MYH2: variants seen among roughly 807,000 people sequenced by gnomAD.
The protein encoded by MYH2 is myosin-2.
A neutral mutation model predicts 228.1 loss-of-function variants in MYH2; 139 were observed. The observed-to-expected ratio is 0.61, with a 90% CI of 0.53 to 0.70. The LOEUF is 0.70. MYH2 is among the 30% of genes least tolerant of loss of function. The pLI, the probability that MYH2 is intolerant of heterozygous loss-of-function variation, is 0.00. For synonymous variants in MYH2, 796 were observed against 871.1 expected (o/e 0.91, Z 1.52); for missense variants, 1,809 against 2,357.5 (o/e 0.77, Z 4.82).
At chr17:10,543,605 A>G (rs928575828) in intron 8 of MYH2, 106 bp downstream of exon 8, 6 of 1,491,700 alleles carry the variant, frequency 4.0e-6, no homozygotes, top group African/African-American at 1.4e-5. Flanking sequence ...GGAAAGAACA[A>G]TGATGTAATA....
At position 10,523,146 on chromosome 17, in the gene MYH2, A is replaced by G. The variant is rs972983125; in HGVS notation, c.5617T>C (p.Leu1873=). ...DRKNILRLQD[L]VDKLQAKVKS... is the part of the protein sequence containing the mutation. ...ACTTTTGCCTGAAGTTTATCTACCAAATCTTGAAGCCTGAGAATATTCTTT... is the reference window on the plus strand; with the variant it reads ...ACTTTTGCCTGAAGTTTATCTACCAGATCTTGAAGCCTGAGAATATTCTTT... Residue 1873 remains leucine (L), a synonymous_variant, in exon 39 of 40, where the codon TTG becomes CTG. Transcript: ENST00000245503. The G allele has an allele frequency of 5.0e-6, 8 of 1,614,064 alleles. No homozygotes were observed. In the South Asian group the frequency reaches 8.8e-5, roughly 18 times the overall value.
At chr17:10,545,635 G>C in intron 4 of MYH2, 133 bp from the exon 5 acceptor site, 1 of 1,217,902 alleles carries the variant, frequency 8.2e-7, no homozygotes, top group Non-Finnish European at 1.2e-6. Context: ...TGCTACCTCA[G>C]CTCACTGCAG....
At chr17:10,533,452 C>A (rs770037731) in intron 20 of MYH2, 31 bp from the exon 21 acceptor site, 1 of 1,614,058 alleles carries the variant, frequency 6.2e-7, no homozygotes, top group South Asian at 1.1e-5. Flanking sequence ...AAATCACAAG[C>A]TTTAATAAAG....
chr17:10,527,151 T>A, intron 28 of MYH2, 95 bp from the exon 29 acceptor site: 1 of 1,116,578 alleles, frequency 9.0e-7, no homozygotes, highest in South Asian at 1.3e-5. Flanking sequence ...TTTTCCCAAA[T>A]TGAGTGCTCA....
chr17:10,547,166 G>A (rs902061249), intron 4 of MYH2, among the ~76,000 whole-genome samples: 2 of 152,156 alleles, frequency 1.3e-5, no homozygotes, highest in African/African-American at 4.8e-5. Flanking sequence ...GGCTGGAGTG[G>A]GGAAAAGGAA....
rs1027921042 is a variant in MYH2, at chr17:10,535,080, T to A, written c.2173A>T (p.Lys725Ter). 2 of 1,614,028 alleles carry A rather than the reference T, an allele frequency of 1.2e-6. No homozygotes were observed. Among genetic ancestry groups the A allele is most frequent in the African/African-American group, 2.7e-5 (2 of 74,938 alleles). Residue 725 changes from lysine (K) to a stop codon, truncating the protein, a stop_gained, in exon 19 of 40, where the codon AAA becomes TAA. Coordinates refer to ENST00000245503, the MANE Select transcript of MYH2 (RefSeq NM_017534.6). LOFTEE classifies it high-confidence loss of function. ...FPSRILYADF[K>*]QRYKVLNASA... Reference sequence around the variant, plus strand: ...TAATCAGGAGAAACTGACCTCTGTTTGAAGTCTGCATAAAGGATTCTGCTT... The same window carrying A: ...TAATCAGGAGAAACTGACCTCTGTTAGAAGTCTGCATAAAGGATTCTGCTT...
intron 21 of MYH2, 62 bp downstream of exon 21, chr17:10,533,223 C>T: frequency 6.2e-7 from 1 of 1,607,040 alleles, no homozygotes; most frequent in South Asian, 1.1e-5. Flanking sequence ...TGAGTCTTAA[C>T]TGTAAGCCAT....
At chr17:10,548,146 C>G (rs1237178691) in intron 2 of MYH2, among the ~76,000 whole-genome samples, 1 of 152,152 alleles carries the variant, frequency 6.6e-6, no homozygotes, top group Non-Finnish European at 1.5e-5. Context: ...GTATTTAGGG[C>G]TTTGCATCCA....
At chr17:10,533,218 C>T (rs189837499) in intron 21 of MYH2, 67 bp downstream of exon 21, 78 of 1,603,936 alleles carry the variant, frequency 4.9e-5, no homozygotes, top group Non-Finnish European at 6.1e-5. Context: ...TAAGCTGAGT[C>T]TTAACTGTAA....
In MYH2 at chr17:10,525,312, CCTT is replaced by C. The variant is rs774357063; in HGVS notation, c.4571_4573del (p.Glu1524del). On this transcript the variant is annotated inframe_deletion, in exon 33 of 40. Transcript: ENST00000245503. This position sits in a 1 kb window ranked among gnomAD's most constrained non-coding sequence, Gnocchi z 4.2. ...CTCCAGTTCATGGATACGTTTCCCTCCTTCTGCAATCTGTTCCGTGAGGTCAGA... is the reference window on the plus strand; with the variant it reads ...CTCCAGTTCATGGATACGTTTCCCTCCTGCAATCTGTTCCGTGAGGTCAGA... 5 of 1,614,126 alleles carry C rather than the reference CCTT, an allele frequency of 3.1e-6. No individual in the cohort carries two copies. The highest frequency in any genetic ancestry group is 1.1e-5 in the South Asian group (1 of 91,074).
chr17:10,543,506 T>A (rs986855443), intron 8 of MYH2, among the ~76,000 whole-genome samples: 5 of 152,080 alleles, frequency 3.3e-5, no homozygotes, highest in African/African-American at 1.2e-4. Context: ...TAAGTGTAGA[T>A]CATGACAGAT....
intron 4 of MYH2, among the ~76,000 whole-genome samples, chr17:10,545,810 A>G (rs567819090): frequency 2.0e-5 from 3 of 152,310 alleles, no homozygotes; most frequent in Middle Eastern, 3.4e-3. Context: ...ATTTTAACAA[A>G]AAGGAGCACT....
rs781333680 is a variant in MYH2 at position 10,539,573 on chromosome 17, G to T, written c.1148-11C>A. On this transcript the variant is annotated splice_polypyrimidine_tract_variant and intron_variant, in intron 12 of 39. Coordinates refer to ENST00000245503, the MANE Select transcript of MYH2 (RefSeq NM_017534.6). ...CCGCCTTGTCAGCAACTAAAAAGAA[G>T]AAAGAGTAGAACAATGTTATTGTGG... is the stretch of plus-strand genomic sequence containing the variant. 1.2e-6 allele frequency: 2 copies of T among 1,601,892 alleles called. No homozygotes were observed. The highest frequency in any genetic ancestry group is 3.3e-5 in the Admixed American group (2 of 59,980).
chr17:10,544,233 A>G, intron 5 of MYH2, 106 bp from the exon 6 acceptor site: 1 of 1,409,306 alleles, frequency 7.1e-7, no homozygotes, highest in Non-Finnish European at 9.8e-7. Flanking sequence ...GGACTTTGCA[A>G]CCTTTAGGGC....
intron 4 of MYH2, 77 bp from the exon 5 acceptor site, chr17:10,545,579 T>C: frequency 9.5e-6 from 15 of 1,580,136 alleles, no homozygotes; most frequent in Non-Finnish European, 1.2e-5. Context: ...TTGAATGTTT[T>C]TTTGAGACAG....
At chr17:10,544,154 T>C (rs1242810654) in intron 5 of MYH2, 27 bp from the exon 6 acceptor site, 1 of 1,607,486 alleles carries the variant, frequency 6.2e-7, no homozygotes. Flanking sequence ...AGACATTTAA[T>C]ACTGTTTTCT....
chr17:10,525,783 CA>C lies in MYH2; in HGVS notation c.4280del (p.Leu1427ArgfsTer64). 6.2e-7 allele frequency: 1 copy of C among 1,614,224 alleles called. No individual in the cohort carries two copies. The highest frequency in any genetic ancestry group is 8.5e-7 in the Non-Finnish European group (1 of 1,180,028). On this transcript the variant is annotated frameshift_variant, in exon 31 of 40. Coordinates refer to ENST00000245503, the MANE Select transcript of MYH2 (RefSeq NM_017534.6). LOFTEE classifies it high-confidence loss of function. This position sits in a 1 kb window ranked among gnomAD's most constrained non-coding sequence, Gnocchi z 4.2. ...CASLEKTKQR[L>X]QNEVEDLMLD... ...GCATGAGGTCCTCGACCTCATTCTG[CA>C]GCCGCTGCTTCGTCTTTTCGAGGGA...
intron 6 of MYH2, 23 bp downstream of exon 6, chr17:10,544,077 A>T (rs768065052): frequency 7.4e-6 from 12 of 1,614,212 alleles, no homozygotes; most frequent in Non-Finnish European, 1.0e-5. Flanking sequence ...CAGCCATGTA[A>T]AGAAAGCATA....
At chr17:10,534,907 A>T (rs921245713) in intron 19 of MYH2, 166 bp downstream of exon 19, 43 of 859,862 alleles carry the variant, frequency 5.0e-5, no homozygotes, top group Admixed American at 2.5e-4. Context: ...ACAGAGCAAG[A>T]CTTTGTCTCA....
Sources: gnomAD v4.1 joint callset for allele counts (sites outside exome capture counted in the v4.1 genomes callset) on GRCh38, gnomAD v4.1.1 for gene constraint, Gnocchi (gnomAD v3.1) non-coding constraint, MANE v1.5 for transcripts, NCBI Gene and HGNC (gene_info 2026-07-23, HGNC 2026-07-21) for gene names.